The following DCX variants were observed in gnomAD, a reference collection of about 807,000 sequenced individuals.
DCX encodes the protein doublecortin.
A neutral mutation model predicts 20.9 loss-of-function variants in DCX; 4 were observed. The observed-to-expected ratio is 0.19, with a 90% CI of 0.09 to 0.44. The LOEUF (loss-of-function observed/expected upper bound fraction) is 0.44. DCX is among the 20% of genes least tolerant of loss of function. The pLI, the probability that DCX is intolerant of heterozygous loss-of-function variation, is 0.99. For synonymous variants in DCX, 103 were observed against 111.4 expected (o/e 0.92, Z 0.47); for missense variants, 133 against 296.9 (o/e 0.45, Z 4.06).
intron 3 of DCX, among the ~76,000 whole-genome samples, chrX:111,394,635 T>C (rs984141478): frequency 1.8e-5 from 2 of 112,198 alleles, no homozygotes; most frequent in African/African-American, 6.5e-5. Flanking sequence ...CAGTTTTAAA[T>C]GGAACAGCCT....
At chrX:111,350,177 A>T (rs755162813) in intron 3 of DCX, among the ~76,000 whole-genome samples, 1 of 111,386 alleles carries the variant, frequency 9.0e-6, no homozygotes. Context: ...AATCCAAAAA[A>T]CAAGGGAGCC....
chrX:111,360,491 CA>C (rs1158278418), intron 3 of DCX, among the ~76,000 whole-genome samples: 1 of 110,302 alleles, frequency 9.1e-6, no homozygotes, highest in South Asian at 3.9e-4. Context: ...TTAATGGGTA[CA>C]AAAAAATAGA....
At chrX:111,357,809 G>A (rs1923865641) in intron 3 of DCX, among the ~76,000 whole-genome samples, 1 of 110,564 alleles carries the variant, frequency 9.0e-6, no homozygotes, top group Admixed American at 9.5e-5. Flanking sequence ...AAAAAAAAAG[G>A]AGCTGAAGCT....
At chrX:111,391,906 G>A (rs1190809013) in intron 3 of DCX, among the ~76,000 whole-genome samples, 1 of 111,604 alleles carries the variant, frequency 9.0e-6, no homozygotes, top group Non-Finnish European at 1.9e-5. Flanking sequence ...AATTCTAGAA[G>A]CTCCTTTTTC....
intron 2 of DCX, among the ~76,000 whole-genome samples, chrX:111,403,139 C>T (rs1411337339): frequency 9.0e-6 from 1 of 111,557 alleles, no homozygotes; most frequent in African/African-American, 3.3e-5. Context: ...CAGCCAATAA[C>T]CCCCATAACC....
At position 111,301,457 on chromosome X, in the gene DCX, A is replaced by G. The variant is rs1428889461; in HGVS notation, c.*230T>C. 2.3e-6 allele frequency: 1 copy of G among 443,616 alleles called. No individual in the cohort carries two copies. The highest frequency in any genetic ancestry group is 4.0e-6 in the Non-Finnish European group (1 of 248,860). The allele number at this position is 443,616 out of a possible 1,213,427, so 36.6% of individuals were successfully genotyped here. ...TTGCATCCCTGGAATGCTGCCCCAA[A>G]GGATGGTTATCAATCTATCTCTCAT... On this transcript the variant is annotated 3_prime_UTR_variant, in exon 7 of 7. Coordinates refer to ENST00000636035, the MANE Select transcript of DCX (RefSeq NM_001195553.2).
rs1424597292 is a variant in DCX at position 111,295,869 on chromosome X, A to T, written c.*5818T>A. Reference sequence around the variant, plus strand: ...TGAGGGGGATTACGAATGAAAATGGAGAAGAAGAAAGGGCCAGGATCAGGT... The same window carrying T: ...TGAGGGGGATTACGAATGAAAATGGTGAAGAAGAAAGGGCCAGGATCAGGT... On this transcript the variant is annotated 3_prime_UTR_variant, in exon 7 of 7. Transcript: ENST00000636035. 1 of 111,833 alleles carries T rather than the reference A, an allele frequency of 8.9e-6. No individual in the cohort carries two copies. The highest frequency in any genetic ancestry group is 2.8e-4 in the East Asian group (1 of 3,572). 9.2% of individuals were successfully genotyped at this position (111,833 alleles called of 1,213,427 possible).
chrX:111,382,579 G>A (rs185878367), intron 3 of DCX, among the ~76,000 whole-genome samples: 1 of 112,205 alleles, frequency 8.9e-6, no homozygotes, highest in East Asian at 2.8e-4. Flanking sequence ...GCAACTGGAA[G>A]CTGTTCACAC....
intron 3 of DCX, among the ~76,000 whole-genome samples, chrX:111,369,126 G>A (rs1006671436): frequency 9.0e-6 from 1 of 110,596 alleles, no homozygotes; most frequent in Non-Finnish European, 1.9e-5. Flanking sequence ...GTCTTTTCAC[G>A]TTTTTCTGCC....
At chrX:111,349,412 C>T (rs1184379897) in intron 3 of DCX, among the ~76,000 whole-genome samples, 1 of 111,640 alleles carries the variant, frequency 9.0e-6, no homozygotes, top group African/African-American at 3.3e-5. Flanking sequence ...CAAAGGAGTG[C>T]AAACTGATTT....
intron 3 of DCX, among the ~76,000 whole-genome samples, chrX:111,381,062 T>C (rs1449099964): frequency 9.0e-6 from 1 of 110,634 alleles, no homozygotes. Context: ...CAAAGATGTT[T>C]TTACCATCAA....
chrX:111,349,724 T>C (rs1027339932), intron 3 of DCX, among the ~76,000 whole-genome samples: 1 of 111,634 alleles, frequency 9.0e-6, no homozygotes, highest in African/African-American at 3.3e-5. Flanking sequence ...ACTCTGTAAG[T>C]GTATATTTTG....
intron 1 of DCX, chrX:111,411,022 C>T (rs750545232): frequency 1.9e-6 from 2 of 1,066,178 alleles, no homozygotes; most frequent in South Asian, 1.9e-5. Flanking sequence ...TCCCCTCCCC[C>T]CAGAATAAAC....
intron 3 of DCX, among the ~76,000 whole-genome samples, chrX:111,384,927 CTG>C (rs1171958568): frequency 8.9e-6 from 1 of 112,673 alleles, no homozygotes; most frequent in Non-Finnish European, 1.9e-5. Context: ...AAAGTAGAAA[CTG>C]AGATCCAAAG....
chrX:111,309,677 A>G (rs1167299944), intron 6 of DCX, among the ~76,000 whole-genome samples: 1 of 111,526 alleles, frequency 9.0e-6, no homozygotes, highest in Non-Finnish European at 1.9e-5. Flanking sequence ...GACAAGCCCA[A>G]ATTGAAAGGC....
At chrX:111,327,118 T>C (rs2095101352) in intron 5 of DCX, among the ~76,000 whole-genome samples, 1 of 112,126 alleles carries the variant, frequency 8.9e-6, no homozygotes, top group Non-Finnish European at 1.9e-5. Flanking sequence ...GCACTTTTGG[T>C]CTTTCTTTTG....
At chrX:111,342,712 C>T (rs754921697) in intron 3 of DCX, among the ~76,000 whole-genome samples, 6 of 110,035 alleles carry the variant, frequency 5.5e-5, no homozygotes, top group Admixed American at 2.0e-4. Context: ...TCCTAACAAA[C>T]GGTCTCTCAG....
intron 4 of DCX, among the ~76,000 whole-genome samples, chrX:111,331,730 G>A (rs1452285600): frequency 8.9e-6 from 1 of 112,173 alleles, no homozygotes; most frequent in Non-Finnish European, 1.9e-5. Context: ...GCCTCAGTCT[G>A]ACACCTTTGG....
intron 5 of DCX, among the ~76,000 whole-genome samples, chrX:111,328,240 C>T (rs922903838): frequency 9.0e-6 from 1 of 110,533 alleles, no homozygotes; most frequent in African/African-American, 3.3e-5. Context: ...TATGAAAAAG[C>T]AAGAGCAGAT....
Sources: allele counts gnomAD v4.1 joint callset (sites outside exome capture counted in the v4.1 genomes callset), GRCh38; gene constraint gnomAD v4.1.1; transcripts MANE v1.5; gene names NCBI Gene and HGNC (gene_info 2026-07-23, HGNC 2026-07-21).